The following GBE1 variants were observed in gnomAD, a reference collection of about 807,000 sequenced individuals.
The protein encoded by GBE1 is 1,4-alpha-glucan-branching enzyme.
In GBE1, 70 loss-of-function variants were observed where a neutral mutation model predicts 88.8. That is an observed-to-expected ratio of 0.79 (90% confidence interval 0.65 to 0.96). The LOEUF is 0.96. GBE1 is among the 40% of genes least tolerant of loss of function. GBE1 has a pLI of 0.00. For synonymous variants in GBE1, 284 were observed against 300.1 expected, an observed-to-expected ratio of 0.95 and a Z score of 0.56; for missense variants, 872 against 871.0, an observed-to-expected ratio of 1.00 and a Z score of -0.01.
intron 2 of GBE1, among the ~76,000 whole-genome samples, chr3:81,683,667 T>C: frequency 6.6e-6 from 1 of 152,220 alleles, no homozygotes; most frequent in East Asian, 1.9e-4. Context: ...ACTTATCTTT[T>C]ACTCTGAATG....
At chr3:81,646,207 A>G (rs1704760848) in intron 6 of GBE1, among the ~76,000 whole-genome samples, 185 bp downstream of exon 6, 1 of 152,240 alleles carries the variant, frequency 6.6e-6, no homozygotes, top group Non-Finnish European at 1.5e-5. Flanking sequence ...ACATAAAATC[A>G]AGGACAATTT....
Position 81,547,625 on chromosome 3 carries a change from TTCTCTCTCTCTCTCTCTC to T in GBE1, c.1619-10548_1619-10531del, listed in dbSNP as rs56681369. 7.9e-3 allele frequency among the ~76,000 whole-genome samples: 1,097 copies of T among 138,380 alleles called. 30 individuals carry two copies. Among genetic ancestry groups the T allele is most frequent in the African/African-American group, 0.026 (982 of 37,790 alleles). 90.8% of individuals were successfully genotyped at this position (138,380 alleles called of 152,430 possible). A position where few individuals can be genotyped will look rare whatever the true frequency, so the allele number is the denominator to read the frequency against. On this transcript the variant is annotated intron_variant, in intron 12 of 15. Transcript: ENST00000429644. ...CTAGTCAGGCTTCTAGGTTCGTTTG[TTCTCTCTCTCTCTCTCTC>T]TCTCTCTCTCTCTCTCTCTCTCTCT...
rs376546162 is a variant in GBE1, at chr3:81,649,855, G to C, written c.496C>G (p.Arg166Gly). The stretch of plus-strand genomic sequence containing the variant: ...TCATAATTCACATTATCACCTTCAC[G>C]AACCACATACTTTGCCCACGGTGAA... ...RISPWAKYVV[R>G]EGDNVNYDWI... Residue 166 changes from arginine (R) to glycine (G), a missense_variant, in exon 4 of 16, where the codon CGT (arginine) becomes GGT (glycine). Coordinates refer to ENST00000429644, the MANE Select transcript of GBE1 (RefSeq NM_000158.4). 11 of 1,610,908 alleles carry C rather than the reference G, an allele frequency of 6.8e-6. No homozygotes were observed. The highest frequency in any genetic ancestry group is 9.3e-6 in the Non-Finnish European group (11 of 1,177,640).
At chr3:81,661,228 A>C (rs1705026585) in intron 3 of GBE1, among the ~76,000 whole-genome samples, 1 of 152,210 alleles carries the variant, frequency 6.6e-6, no homozygotes. Context: ...AGAAAGAAAA[A>C]AAGATGATAA....
chr3:81,682,582 C>T (rs1705365715), intron 2 of GBE1, among the ~76,000 whole-genome samples: 1 of 152,178 alleles, frequency 6.6e-6, no homozygotes, highest in Non-Finnish European at 1.5e-5. Context: ...ACTTCATGCA[C>T]ACTAGGATGG....
intron 7 of GBE1, among the ~76,000 whole-genome samples, chr3:81,638,697 C>T (rs143664893): frequency 6.6e-6 from 1 of 152,132 alleles, no homozygotes; most frequent in South Asian, 2.1e-4. Flanking sequence ...TAAACATGGG[C>T]AGCTCCTGAT....
intron 14 of GBE1, among the ~76,000 whole-genome samples, chr3:81,500,476 CAAATCTTCCAA>C (rs1702572643): frequency 6.6e-6 from 1 of 152,086 alleles, no homozygotes; most frequent in Non-Finnish European, 1.5e-5. Context: ...AATACTTTGA[CAAATCTTCCAA>C]AAACTAAAAC....
chr3:81,637,962 T>C (rs115795187), intron 7 of GBE1, among the ~76,000 whole-genome samples: 2,305 of 152,124 alleles, frequency 0.015, 76 homozygotes, highest in African/African-American at 0.053. Context: ...TAATTAACCA[T>C]AGAAAAGCCA....
At chr3:81,719,028 T>G (rs532250496) in intron 1 of GBE1, among the ~76,000 whole-genome samples, 2 of 152,150 alleles carry the variant, frequency 1.3e-5, no homozygotes, top group African/African-American at 4.8e-5. Flanking sequence ...TCTTAAATAA[T>G]TTTAATAAGT....
intron 14 of GBE1, among the ~76,000 whole-genome samples, chr3:81,527,845 G>T (rs1253787400): frequency 1.3e-5 from 2 of 151,976 alleles, no homozygotes; most frequent in East Asian, 3.9e-4. Context: ...AATACCATTT[G>T]ACCCAGTCAT....
intron 2 of GBE1, among the ~76,000 whole-genome samples, chr3:81,702,708 A>G (rs1211865855): frequency 6.6e-6 from 1 of 152,084 alleles, no homozygotes; most frequent in African/African-American, 2.4e-5. Context: ...TTAAAAGTCA[A>G]TGTAAATTGG....
Position 81,628,751 on chromosome 3 carries a change from A to ATATATG in GBE1, c.992+14029_992+14030insCATATA, listed in dbSNP as rs1209535764. Among the ~76,000 whole-genome samples the ATATATG allele has an allele frequency of 3.9e-3, 270 of 70,060 alleles. 6 individuals carry two copies. Among genetic ancestry groups the ATATATG allele is most frequent in the Non-Finnish European group, 7.6e-3 (211 of 27,656 alleles). 46.0% of individuals were successfully genotyped at this position (70,060 alleles called of 152,430 possible). On this transcript the variant is annotated intron_variant, in intron 7 of 15. Transcript: ENST00000429644. ...GGAGAAAGAACAATTGCATATATATATATATATATATATATATATATATAT... is the reference window on the plus strand; with the variant it reads ...GGAGAAAGAACAATTGCATATATATATATATGTATATATATATATATATATATATAT...
rs145014611 is a variant in GBE1 at position 81,550,915 on chromosome 3, T to G, written c.1619-13820A>C. ...AGTAGCCATTCGTTCATTCCTCTAC[T>G]TTCTTAATAAACTTGCTTTCACTTT... On this transcript the variant is annotated intron_variant, in intron 12 of 15. Transcript: ENST00000429644. Among the ~76,000 whole-genome samples, 221 of 152,328 alleles carry G rather than the reference T, an allele frequency of 1.5e-3. 2 individuals carry two copies. The highest frequency in any genetic ancestry group is 5.2e-3 in the African/African-American group (215 of 41,590).
intron 1 of GBE1, among the ~76,000 whole-genome samples, chr3:81,737,387 ATTTATATAAATATATTTTTATATATT>A (rs1559703840): frequency 5.7e-5 from 2 of 34,810 alleles, no homozygotes; most frequent in African/African-American, 1.3e-4. Flanking sequence ...TTTTATATAT[ATTTATATAAATATATTTTTATATATT>A]TATATAAATA....
At chr3:81,499,901 C>A (rs547884250) in intron 14 of GBE1, among the ~76,000 whole-genome samples, 28 of 152,158 alleles carry the variant, frequency 1.8e-4, no homozygotes, top group African/African-American at 5.8e-4. Context: ...GTACTTGATA[C>A]AAAAATCTAT....
At chr3:81,673,508 A>C (rs1457213837) in intron 2 of GBE1, among the ~76,000 whole-genome samples, 1 of 151,990 alleles carries the variant, frequency 6.6e-6, no homozygotes, top group African/African-American at 2.4e-5. Flanking sequence ...TGAAAGTGAA[A>C]TTCAATGATA....
At position 81,629,873 on chromosome 3, in the gene GBE1, C is replaced by G. The variant is rs574993992; in HGVS notation, c.992+12908G>C. Reference sequence around the variant, plus strand: ...TAATGCTATCCCTCCCGCCTCCCCCCACCCCACAACAGTCCCCGGTGTGTG... The same window carrying G: ...TAATGCTATCCCTCCCGCCTCCCCCGACCCCACAACAGTCCCCGGTGTGTG... On this transcript the variant is annotated intron_variant, in intron 7 of 15. Coordinates refer to ENST00000429644, the MANE Select transcript of GBE1 (RefSeq NM_000158.4). 2.8e-4 allele frequency among the ~76,000 whole-genome samples: 42 copies of G among 150,334 alleles called. 1 individual carries two copies. Among genetic ancestry groups the G allele is most frequent in the African/African-American group, 8.1e-4 (33 of 40,768 alleles).
intron 1 of GBE1, among the ~76,000 whole-genome samples, chr3:81,723,608 G>A (rs573876554): frequency 6.6e-6 from 1 of 152,074 alleles, no homozygotes; most frequent in East Asian, 1.9e-4. Flanking sequence ...ATTATTGTTT[G>A]CTTCAATACC....
At chr3:81,603,559 C>T (rs547421908) in intron 7 of GBE1, among the ~76,000 whole-genome samples, 1 of 152,086 alleles carries the variant, frequency 6.6e-6, no homozygotes, top group Admixed American at 6.5e-5. Context: ...AGTGCAGTGG[C>T]GCAATCTTGC....
Sources: allele counts gnomAD v4.1 joint callset (sites outside exome capture counted in the v4.1 genomes callset), GRCh38; gene constraint gnomAD v4.1.1; transcripts MANE v1.5; gene names NCBI Gene and HGNC (gene_info 2026-07-23, HGNC 2026-07-21).